PCLO: variants seen among roughly 807,000 people sequenced by gnomAD.
PCLO encodes protein piccolo.
In PCLO, 82 loss-of-function variants were observed where a neutral mutation model predicts 427.5. That is an observed-to-expected ratio of 0.19 (90% CI 0.16 to 0.23). The LOEUF is 0.23. Ranked by LOEUF, PCLO falls within the 10% of genes least tolerant of loss-of-function variation. The pLI is 1.00. For synonymous variants in PCLO, 2,357 were observed against 2,155.4 expected (o/e 1.09, Z -2.59); for missense variants, 6,239 against 6,115.9 (o/e 1.02, Z -0.67).
intron 2 of PCLO, among the ~76,000 whole-genome samples, chr7:83,146,597 CTTTT>C (rs11354844): frequency 5.2e-5 from 7 of 135,170 alleles, no homozygotes; most frequent in Admixed American, 7.4e-5. Flanking sequence ...CCAATAAATA[CTTTT>C]TTTTTTTTTT....
intron 8 of PCLO, among the ~76,000 whole-genome samples, chr7:82,908,138 A>G (rs1012127545): frequency 3.3e-5 from 5 of 152,094 alleles, no homozygotes; most frequent in Non-Finnish European, 7.4e-5. Flanking sequence ...CAATTGATTA[A>G]AGGCCACTTG....
intron 1 of PCLO, among the ~76,000 whole-genome samples, chr7:83,159,164 T>C (rs757881457): frequency 6.6e-6 from 1 of 152,104 alleles, no homozygotes; most frequent in Non-Finnish European, 1.5e-5. Flanking sequence ...GGAATAAATA[T>C]ATCATGTATT....
At chr7:83,076,578 T>G (rs1789957682) in intron 3 of PCLO, among the ~76,000 whole-genome samples, 1 of 151,882 alleles carries the variant, frequency 6.6e-6, no homozygotes, top group African/African-American at 2.4e-5. Context: ...ATTTCACTTC[T>G]TAAAACCTCA....
chr7:82,970,562 C>T (rs572873430), intron 3 of PCLO, among the ~76,000 whole-genome samples: 2 of 151,948 alleles, frequency 1.3e-5, no homozygotes, highest in South Asian at 2.1e-4. Flanking sequence ...AACTGGTGGT[C>T]TCATATGTGT....
chr7:82,849,894 T>C (rs1294457321), intron 10 of PCLO, among the ~76,000 whole-genome samples: 4 of 152,152 alleles, frequency 2.6e-5, no homozygotes, highest in African/African-American at 4.8e-5. Context: ...TTTAGTATTA[T>C]AAGTAAACAT....
At chr7:82,880,887 C>T (rs562606927) in intron 9 of PCLO, among the ~76,000 whole-genome samples, 40 of 152,254 alleles carry the variant, frequency 2.6e-4, no homozygotes, top group Non-Finnish European at 5.6e-4. Flanking sequence ...GGCAGAATTC[C>T]TTCTATAGTA....
At chr7:83,074,873 T>G (rs1265814647) in intron 3 of PCLO, among the ~76,000 whole-genome samples, 1 of 152,118 alleles carries the variant, frequency 6.6e-6, no homozygotes, top group African/African-American at 2.4e-5. Context: ...AAAGAAAAAT[T>G]TCTTTAGGTT....
chr7:83,070,620 C>A (rs1789789428), intron 3 of PCLO, among the ~76,000 whole-genome samples: 1 of 152,160 alleles, frequency 6.6e-6, no homozygotes, highest in African/African-American at 2.4e-5. Flanking sequence ...ATCTCCTGAC[C>A]TTGTGATCCG....
Position 82,950,713 on chromosome 7 carries a change from T to G in PCLO, c.9875A>C (p.Gln3292Pro). The change falls in exon 6 of 25, where the codon CAG becomes CCG. Residue 3292 changes from glutamine to proline, a missense_variant. Around this residue, in one of 5 missense-constraint regions of PCLO, gnomAD observed 4,677 missense variants for 4,468.4 expected, o/e 1.05. Transcript: ENST00000333891. ...RQETLAQQQL[Q>P]LEQIQQLQQQ... ...TTGCAGCTGTTGGATCTGCTCAAGCTGTAACTGTTGCTGAGCTAACGTCTC... is the reference window on the plus strand; with the variant it reads ...TTGCAGCTGTTGGATCTGCTCAAGCGGTAACTGTTGCTGAGCTAACGTCTC... 6.2e-7 allele frequency: 1 copy of G among 1,613,862 alleles called. No homozygotes were observed. Among genetic ancestry groups the G allele is most frequent in the Non-Finnish European group, 8.5e-7 (1 of 1,179,832 alleles).
intron 6 of PCLO, among the ~76,000 whole-genome samples, chr7:82,924,949 T>A (rs898930804): frequency 1.1e-4 from 17 of 152,024 alleles, no homozygotes; most frequent in African/African-American, 3.6e-4. Flanking sequence ...TAAGACACAG[T>A]CTCCTCCCTC....
intron 22 of PCLO, among the ~76,000 whole-genome samples, chr7:82,773,804 C>T (rs1309537670): frequency 6.6e-6 from 1 of 151,916 alleles, no homozygotes; most frequent in African/African-American, 2.4e-5. Flanking sequence ...ACACTATGAA[C>T]TTCATCACCT....
Position 83,049,783 on chromosome 7 carries a change from A to G in PCLO, c.3301-83296T>C, listed in dbSNP as rs983210404. 3.9e-5 allele frequency among the ~76,000 whole-genome samples: 6 copies of G among 152,244 alleles called. No individual in the cohort carries two copies. The Middle Eastern group carries it at 0.01, about 259-fold the overall frequency. On this transcript the variant is annotated intron_variant, in intron 3 of 24. Transcript: ENST00000333891. ...GTTAGCTGGGCCTACTGCAGAGATA[A>G]GCAAAAGCGGTTAAGCTAAAAGATA...
At chr7:82,785,420 T>A (rs369449944) in intron 22 of PCLO, among the ~76,000 whole-genome samples, 1 of 152,150 alleles carries the variant, frequency 6.6e-6, no homozygotes, top group African/African-American at 2.4e-5. Context: ...CACAGACCAA[T>A]ACAGGTCTGT....
intron 2 of PCLO, among the ~76,000 whole-genome samples, chr7:83,139,300 T>C (rs1317038332): frequency 6.6e-6 from 1 of 152,218 alleles, no homozygotes; most frequent in Non-Finnish European, 1.5e-5. Context: ...TGCTACTAGT[T>C]TCTCTTTTTT....
chr7:82,959,452 T>C (rs1795606775), intron 4 of PCLO, among the ~76,000 whole-genome samples: 1 of 152,222 alleles, frequency 6.6e-6, no homozygotes, highest in Non-Finnish European at 1.5e-5. Flanking sequence ...TGACCATGGT[T>C]ATATGTAACA....
rs377434344 is a variant in PCLO at position 82,951,103 on chromosome 7, C to T, written c.9485G>A (p.Ser3162Asn). ...CATAGTAATAGTTTGCAAACTGGCA[C>T]TGATATCAATACCAGTTACTGCAAT... is the stretch of plus-strand genomic sequence containing the variant. ...TDIAVTGIDI[S>N]ASLQTITMES... Residue 3162 changes from serine (S) to asparagine (N), a missense_variant, in exon 6 of 25, where the codon AGT becomes AAT. Around this residue, in one of 5 missense-constraint regions of PCLO, gnomAD observed 4,677 missense variants for 4,468.4 expected, o/e 1.05. Transcript: ENST00000333891. 1 of 1,613,556 alleles carries T rather than the reference C, an allele frequency of 6.2e-7. No homozygotes were observed. Among genetic ancestry groups the T allele is most frequent in the African/African-American group, 1.3e-5 (1 of 74,932 alleles).
At chr7:83,085,098 A>G (rs111685565) in intron 3 of PCLO, among the ~76,000 whole-genome samples, 4,298 of 152,256 alleles carry the variant, frequency 0.028, 103 homozygotes, top group Non-Finnish European at 0.04. Context: ...TCATAAAAAC[A>G]TACACTACCA....
intron 15 of PCLO, 114 bp downstream of exon 15, chr7:82,838,104 A>C: frequency 2.7e-6 from 2 of 729,830 alleles, no homozygotes; most frequent in South Asian, 3.7e-5. Flanking sequence ...CATGTGGAGG[A>C]AAGTAAGGAA....
intron 17 of PCLO, 142 bp from the exon 18 acceptor site, chr7:82,826,802 G>A (rs1430083456): frequency 2.3e-6 from 1 of 433,672 alleles, no homozygotes; most frequent in East Asian, 3.7e-5. Context: ...CGAAAACTAT[G>A]TAGTTTAAAT....
Sources: gnomAD v4.1 joint callset for allele counts (sites outside exome capture counted in the v4.1 genomes callset) on GRCh38, gnomAD v4.1.1 for gene constraint, gnomAD v4.1.1 regional missense constraint, MANE v1.5 for transcripts, NCBI Gene and HGNC (gene_info 2026-07-23, HGNC 2026-07-21) for gene names.